The following HPSE2 variants were observed in gnomAD, a reference collection of about 807,000 sequenced individuals.
The protein encoded by HPSE2 is inactive heparanase-2.
In HPSE2, 38 loss-of-function variants were observed where a neutral mutation model predicts 60.5. That is an observed-to-expected ratio of 0.63 (90% CI 0.48 to 0.82). HPSE2 has a LOEUF of 0.82. Among genes scored for constraint, HPSE2 ranks in the 40% least tolerant of loss-of-function variants. The pLI is 0.00. For synonymous variants in HPSE2, 295 were observed against 293.2 expected, an observed-to-expected ratio of 1.01 and a Z score of -0.06; for missense variants, 713 against 740.4, an observed-to-expected ratio of 0.96 and a Z score of 0.43.
chr10:99,031,631 G>A (rs1957501351), intron 3 of HPSE2, among the ~76,000 whole-genome samples: 1 of 152,114 alleles, frequency 6.6e-6, no homozygotes, highest in Admixed American at 6.5e-5. Flanking sequence ...AGGTATGATT[G>A]GAGAGAATTC....
intron 3 of HPSE2, among the ~76,000 whole-genome samples, chr10:99,050,078 T>C (rs1957954317): frequency 6.6e-6 from 1 of 152,142 alleles, no homozygotes; most frequent in African/African-American, 2.4e-5. Context: ...GCAGGAAGAT[T>C]GCTTCAGGCC....
chr10:98,694,195 G>T (rs893523655), intron 5 of HPSE2, among the ~76,000 whole-genome samples: 4 of 152,002 alleles, frequency 2.6e-5, no homozygotes, highest in African/African-American at 9.7e-5. Flanking sequence ...TCCCAATAAG[G>T]CATTCTATCT....
chr10:98,993,168 C>T (rs1223942416), intron 3 of HPSE2, among the ~76,000 whole-genome samples: 1 of 152,150 alleles, frequency 6.6e-6, no homozygotes, highest in Non-Finnish European at 1.5e-5. Flanking sequence ...GAACATAGAG[C>T]AGGGAGTAAC....
intron 3 of HPSE2, among the ~76,000 whole-genome samples, chr10:99,116,862 T>A (rs532816126): frequency 4.0e-5 from 6 of 151,846 alleles, no homozygotes; most frequent in African/African-American, 1.4e-4. Flanking sequence ...TGCAGGCAGG[T>A]TATATGGCTC....
At chr10:99,310,828 C>T in the HPSE2 span, among the ~76,000 whole-genome samples, 50,732 of 152,058 alleles carry the variant, frequency 0.33, 11,471 homozygotes, top group African/African-American at 0.65. Context: ...GAGGTTATGC[C>T]TTGTTGGCCA....
intron 3 of HPSE2, among the ~76,000 whole-genome samples, chr10:98,990,645 G>T (rs2135339953): frequency 6.6e-6 from 1 of 152,290 alleles, no homozygotes; most frequent in South Asian, 2.1e-4. Context: ...ATAGTAGCTT[G>T]AACAACATGA....
intron 3 of HPSE2, among the ~76,000 whole-genome samples, chr10:99,129,022 C>T (rs1845278088): frequency 6.6e-6 from 1 of 152,074 alleles, no homozygotes; most frequent in South Asian, 2.1e-4. Flanking sequence ...AAAAAACAGA[C>T]TTAAAAGCAA....
chr10:99,103,764 T>C (rs1844119318), intron 3 of HPSE2, among the ~76,000 whole-genome samples: 1 of 152,112 alleles, frequency 6.6e-6, no homozygotes, highest in Non-Finnish European at 1.5e-5. Flanking sequence ...CAAAACAGCA[T>C]GGTACCGGTA....
At chr10:99,223,353 T>C (rs1472914999) in intron 2 of HPSE2, among the ~76,000 whole-genome samples, 1 of 152,204 alleles carries the variant, frequency 6.6e-6, no homozygotes, top group East Asian at 1.9e-4. Context: ...GTGTTATTAC[T>C]ATTATTGGGC....
At chr10:98,635,024 C>A (rs1159029460) in intron 7 of HPSE2, among the ~76,000 whole-genome samples, 1 of 152,190 alleles carries the variant, frequency 6.6e-6, no homozygotes, top group Non-Finnish European at 1.5e-5. Context: ...ATCATAACAT[C>A]TTATTACTGT....
chr10:98,535,129 T>C (rs1943244662), intron 9 of HPSE2, among the ~76,000 whole-genome samples: 1 of 152,214 alleles, frequency 6.6e-6, no homozygotes, highest in Admixed American at 6.5e-5. Flanking sequence ...TTCCTATCCG[T>C]GAATGTCCGT....
At chr10:98,475,720 C>CTTTG (rs10693702) in intron 11 of HPSE2, among the ~76,000 whole-genome samples, 62,774 of 151,570 alleles carry the variant, frequency 0.41, 13,942 homozygotes, top group African/African-American at 0.6. Context: ...TTAATAATCC[C>CTTTG]TTTGAGAAGA....
intron 3 of HPSE2, among the ~76,000 whole-genome samples, chr10:98,912,990 C>T (rs1954021867): frequency 6.6e-6 from 1 of 152,056 alleles, no homozygotes; most frequent in Non-Finnish European, 1.5e-5. Context: ...ACCCTATTTT[C>T]CATTATGTGA....
At chr10:98,877,047 A>T (rs2134861140) in intron 3 of HPSE2, among the ~76,000 whole-genome samples, 1 of 152,020 alleles carries the variant, frequency 6.6e-6, no homozygotes, top group East Asian at 1.9e-4. Context: ...AAAAAAATCC[A>T]TGTTCAAAAA....
At chr10:98,828,211 T>C (rs1252327) in intron 3 of HPSE2, among the ~76,000 whole-genome samples, 7,569 of 152,328 alleles carry the variant, frequency 0.05, 587 homozygotes, top group African/African-American at 0.17. Flanking sequence ...CCGTAACTAA[T>C]AGACACTGCT....
chr10:98,563,231 T>C (rs1944242824), intron 9 of HPSE2, among the ~76,000 whole-genome samples: 1 of 152,172 alleles, frequency 6.6e-6, no homozygotes, highest in South Asian at 2.1e-4. Flanking sequence ...CATTATTCTA[T>C]AATAAAAAAA....
chr10:98,598,087 A>G (rs903974355), intron 9 of HPSE2, among the ~76,000 whole-genome samples: 2 of 149,506 alleles, frequency 1.3e-5, no homozygotes, highest in Non-Finnish European at 3.0e-5. Flanking sequence ...CTCTGACAGT[A>G]TATTTTCAAA....
At chr10:98,505,068 G>A (rs1206980467) in intron 9 of HPSE2, among the ~76,000 whole-genome samples, 1 of 152,108 alleles carries the variant, frequency 6.6e-6, no homozygotes, top group African/African-American at 2.4e-5. Flanking sequence ...TTCTTTGTGT[G>A]AACATCCTAC....
At chr10:98,549,117 C>A (rs1943782308) in intron 9 of HPSE2, among the ~76,000 whole-genome samples, 2 of 152,112 alleles carry the variant, frequency 1.3e-5, no homozygotes, top group Admixed American at 1.3e-4. Flanking sequence ...CAGTGTACTG[C>A]TTAGGAGTAG....
Sources: allele counts gnomAD v4.1 joint callset (sites outside exome capture counted in the v4.1 genomes callset), GRCh38; gene constraint gnomAD v4.1.1; transcripts MANE v1.5; gene names NCBI Gene and HGNC (gene_info 2026-07-23, HGNC 2026-07-21).